Variants in C9orf85 observed in about 807,000 individuals in gnomAD.
The protein encoded by C9orf85 is chromosome 9 open reading frame 85, also known as uncharacterized protein C9orf85.
C9orf85 carries 16 observed loss-of-function variants against 14.9 expected under a neutral mutation model. The ratio of observed to expected loss-of-function variants is 1.08; its 90% CI spans 0.73 to 1.63. The LOEUF (loss-of-function observed/expected upper bound fraction) is 1.63, where lower values mean the gene tolerates loss of function less well. Among genes scored for constraint, C9orf85 ranks in the 40% most tolerant of loss-of-function variants. The probability of loss-of-function intolerance (pLI) is 0.00; values close to 1 mark genes in which losing one functional copy is unlikely to be tolerated. For missense variants in C9orf85, 172 were observed against 186.1 expected (o/e 0.92, Z 0.44); for synonymous variants, 45 against 56.8 (o/e 0.79, Z 0.93).
intron 1 of C9orf85, among the ~76,000 whole-genome samples, chr9:71,934,769 CT>C (rs1309871168): frequency 2.0e-5 from 3 of 151,842 alleles, no homozygotes; most frequent in Admixed American, 2.0e-4. Context: ...ACCCAGGAGG[CT>C]GAGGTAGGAG....
downstream of C9orf85, among the ~76,000 whole-genome samples, chr9:71,973,841 G>A (rs117379604): frequency 0.013 from 1,606 of 127,138 alleles, 14 homozygotes; most frequent in Non-Finnish European, 0.018. Context: ...ATATAAATTA[G>A]CTTGGTCTGG....
intron 1 of C9orf85, among the ~76,000 whole-genome samples, chr9:71,927,825 C>T (rs1006047852): frequency 6.6e-6 from 1 of 152,106 alleles, no homozygotes; most frequent in Non-Finnish European, 1.5e-5. Context: ...ATTAAAAACA[C>T]GGGGTTTCTC....
chr9:71,976,127 A>C (rs922825869), downstream of C9orf85, among the ~76,000 whole-genome samples: 10 of 152,200 alleles, frequency 6.6e-5, no homozygotes, highest in Non-Finnish European at 1.3e-4. Flanking sequence ...GTTCCTCTAC[A>C]TATATTTTTA....
intron 2 of C9orf85, among the ~76,000 whole-genome samples, chr9:71,963,311 T>TGGCAGGCCACTTCCAAGATGGC (rs1370528994): frequency 1.3e-5 from 2 of 152,158 alleles, no homozygotes; most frequent in Non-Finnish European, 2.9e-5. Context: ...CCCAAGATGG[T>TGGCAGGCCACTTCCAAGATGGC]GGCAGGCCAC....
At position 71,915,184 on chromosome 9, in the gene C9orf85, T is replaced by TTA. The variant is rs72158866; in HGVS notation, c.102+3349_102+3350insAT. On this transcript the variant is annotated intron_variant, in intron 1 of 3. Coordinates refer to ENST00000334731, the MANE Select transcript of C9orf85 (RefSeq NM_182505.5). ...ATCATTACAAAAATTATTATTATTA[T>TTA]TTTTTTTTTTTTTTTGAGACAGAGT... 3.5e-3 allele frequency among the ~76,000 whole-genome samples: 354 copies of TTA among 100,622 alleles called. 1 individual carries two copies. The highest frequency in any genetic ancestry group is 5.7e-3 in the Middle Eastern group (1 of 176). The allele number at this position is 100,622 out of a possible 152,430, so 66.0% of individuals were successfully genotyped here.
In C9orf85 at chr9:71,963,079, C is replaced by CTTT. The variant is rs552442613; in HGVS notation, c.210-8425_210-8424insTTT. Among the ~76,000 whole-genome samples, 567 of 152,230 alleles carry CTTT rather than the reference C, an allele frequency of 3.7e-3. 3 individuals are homozygous for CTTT. Among genetic ancestry groups the CTTT allele is most frequent in the Middle Eastern group, 0.014 (4 of 294 alleles). ...CTCACCAAAAAAAAAGGTTGTGTTA[C>CTTT]TATGACAACAGTGTCATAAAAAAAT... On this transcript the variant is annotated intron_variant, in intron 2 of 3. Transcript: ENST00000334731.
intron 3 of C9orf85, among the ~76,000 whole-genome samples, chr9:71,981,159 G>A (rs374527253): frequency 6.6e-6 from 1 of 152,190 alleles, no homozygotes; most frequent in South Asian, 2.1e-4. Context: ...TTGTAGCTGT[G>A]TGGTTACACA....
chr9:71,947,148 A>T, intron 2 of C9orf85, 36 bp downstream of exon 2: 2 of 1,307,096 alleles, frequency 1.5e-6, no homozygotes, highest in South Asian at 2.5e-5. Flanking sequence ...ACTTGGTGGT[A>T]TATGTATCAT....
intron 2 of C9orf85, among the ~76,000 whole-genome samples, chr9:71,964,985 C>T (rs762168567): frequency 1.3e-5 from 2 of 152,278 alleles, no homozygotes; most frequent in South Asian, 2.1e-4. Flanking sequence ...AGGAGCACAG[C>T]GGACACCCTA....
intron 1 of C9orf85, among the ~76,000 whole-genome samples, chr9:71,925,951 A>C (rs1827921620): frequency 6.6e-6 from 1 of 152,234 alleles, no homozygotes; most frequent in Non-Finnish European, 1.5e-5. Context: ...TAGAAGAACA[A>C]CTTTCTAAAG....
intron 2 of C9orf85, among the ~76,000 whole-genome samples, chr9:71,968,142 C>T (rs1270636168): frequency 2.7e-5 from 4 of 150,832 alleles, no homozygotes; most frequent in Middle Eastern, 6.9e-3. Flanking sequence ...AATGAGCATG[C>T]GAGAGAGTGA....
chr9:71,939,461 T>C (rs572425985), intron 1 of C9orf85, among the ~76,000 whole-genome samples: 173 of 152,196 alleles, frequency 1.1e-3, no homozygotes, highest in African/African-American at 3.9e-3. Flanking sequence ...TACAAATGAC[T>C]GGGGTTTATC....
At chr9:71,912,199 G>A (rs146975694) in intron 1 of C9orf85, among the ~76,000 whole-genome samples, 1 of 152,062 alleles carries the variant, frequency 6.6e-6, no homozygotes, top group Admixed American at 6.5e-5. Context: ...TTTACACCAA[G>A]TTTATGCAGC....
chr9:71,946,561 G>A (rs1044875870), intron 1 of C9orf85, among the ~76,000 whole-genome samples: 17 of 152,202 alleles, frequency 1.1e-4, no homozygotes, highest in African/African-American at 4.1e-4. Flanking sequence ...TTGTGAGGCC[G>A]AGGCGGGTGA....
rs773244792 is a variant in C9orf85, at chr9:71,972,886, G to C, written c.*44G>C. ...CTGCCGGGCACAGTGGCTCACGCCT[G>C]TAATCCCAACACTTTGGGAGGCCAA... is the stretch of plus-strand genomic sequence containing the variant. On this transcript the variant is annotated 3_prime_UTR_variant, in exon 4 of 4. Coordinates refer to ENST00000334731, the MANE Select transcript of C9orf85 (RefSeq NM_182505.5). 12 of 1,508,958 alleles carry C rather than the reference G, an allele frequency of 8.0e-6. No homozygotes were observed. The highest frequency in any genetic ancestry group is 7.2e-6 in the Non-Finnish European group (8 of 1,117,324). 93.5% of individuals were successfully genotyped at this position (1,508,958 alleles called of 1,614,324 possible).
At chr9:71,921,484 C>T (rs998697845) in intron 1 of C9orf85, among the ~76,000 whole-genome samples, 1 of 152,232 alleles carries the variant, frequency 6.6e-6, no homozygotes, top group Non-Finnish European at 1.5e-5. Flanking sequence ...AAGGCTCCCC[C>T]ACCTCCCTTC....
chr9:71,941,560 C>G (rs1368001943), intron 1 of C9orf85, among the ~76,000 whole-genome samples: 1 of 152,158 alleles, frequency 6.6e-6, no homozygotes, highest in Non-Finnish European at 1.5e-5. Context: ...AGAAAATGGA[C>G]AAATCCAGAA....
intron 1 of C9orf85, among the ~76,000 whole-genome samples, chr9:71,930,578 T>G (rs1316812159): frequency 6.6e-6 from 1 of 150,978 alleles, no homozygotes; most frequent in Non-Finnish European, 1.5e-5. Flanking sequence ...GAGGATTGCT[T>G]GAGCCCCAGG....
At chr9:71,920,662 G>A (rs1827775797) in intron 1 of C9orf85, among the ~76,000 whole-genome samples, 1 of 152,146 alleles carries the variant, frequency 6.6e-6, no homozygotes, top group South Asian at 2.1e-4. Context: ...CATGTCCTCA[G>A]AACACCCCAG....
Sources: allele counts gnomAD v4.1 joint callset (sites outside exome capture counted in the v4.1 genomes callset), GRCh38; gene constraint gnomAD v4.1.1; transcripts MANE v1.5; gene names NCBI Gene and HGNC (gene_info 2026-07-23, HGNC 2026-07-21).